The following DLG2 variants were observed in gnomAD, a reference collection of about 807,000 sequenced individuals.
DLG2 encodes disks large homolog 2.
Under a neutral mutation model 132.5 loss-of-function variants are expected in DLG2, and 45 were observed. The observed-to-expected ratio is 0.34, with a 90% CI of 0.27 to 0.44. The LOEUF (loss-of-function observed/expected upper bound fraction) is 0.44. Among genes scored for constraint, DLG2 ranks in the 20% least tolerant of loss-of-function variants. The pLI, the probability that DLG2 is intolerant of heterozygous loss-of-function variation, is 1.00. For synonymous variants in DLG2, 424 were observed against 419.6 expected (o/e 1.01, Z -0.13); for missense variants, 1,045 against 1,196.9 (o/e 0.87, Z 1.87).
intron 6 of DLG2, among the ~76,000 whole-genome samples, chr11:85,058,403 T>C (rs965179584): frequency 4.0e-5 from 6 of 151,534 alleles, no homozygotes; most frequent in Non-Finnish European, 5.9e-5. Flanking sequence ...AATAAATATA[T>C]GTACACATAT....
chr11:84,570,744 CTCCCT>C (rs1227377348), intron 6 of DLG2, among the ~76,000 whole-genome samples: 2 of 152,206 alleles, frequency 1.3e-5, no homozygotes, highest in Admixed American at 6.5e-5. Flanking sequence ...ATCTTCCTTT[CTCCCT>C]TCCCTTCATC....
chr11:83,554,244 T>C (rs538742701), intron 19 of DLG2, among the ~76,000 whole-genome samples: 21 of 152,310 alleles, frequency 1.4e-4, no homozygotes, highest in African/African-American at 5.1e-4. Context: ...ATGCACCTAG[T>C]GTAAGTCATC....
At chr11:84,172,608 T>C (rs1039719363) in intron 8 of DLG2, among the ~76,000 whole-genome samples, 2 of 151,998 alleles carry the variant, frequency 1.3e-5, no homozygotes, top group African/African-American at 4.8e-5. Context: ...AGTGGTGCAA[T>C]CTCGGCTCAC....
At chr11:84,209,780 T>A (rs942542326) in intron 8 of DLG2, among the ~76,000 whole-genome samples, 4 of 152,134 alleles carry the variant, frequency 2.6e-5, no homozygotes, top group Admixed American at 1.3e-4. Context: ...CTCACTGGAA[T>A]AGCTAAAATT....
At chr11:85,263,213 TG>T (rs747065704) in intron 4 of DLG2, among the ~76,000 whole-genome samples, 1 of 152,242 alleles carries the variant, frequency 6.6e-6, no homozygotes, top group South Asian at 2.1e-4. Context: ...GTATGAATTA[TG>T]CAGGGTGCTC....
intron 3 of DLG2, among the ~76,000 whole-genome samples, chr11:85,589,182 T>A (rs188822601): frequency 1.3e-5 from 2 of 152,280 alleles, no homozygotes; most frequent in Admixed American, 1.3e-4. Context: ...CGTGGACAGA[T>A]TTAGGACCAC....
At chr11:83,479,452 T>A (rs993031195) in intron 22 of DLG2, among the ~76,000 whole-genome samples, 1 of 152,172 alleles carries the variant, frequency 6.6e-6, no homozygotes, top group South Asian at 2.1e-4. Flanking sequence ...CACCAATTTC[T>A]GCCTTAGCAT....
chr11:85,115,403 A>G (rs1330846834), intron 5 of DLG2, among the ~76,000 whole-genome samples: 1 of 151,978 alleles, frequency 6.6e-6, no homozygotes, highest in African/African-American at 2.4e-5. Context: ...CATTAGGAAT[A>G]AGGATATATC....
chr11:84,670,477 G>A (rs1288962198), intron 6 of DLG2, among the ~76,000 whole-genome samples: 1 of 152,106 alleles, frequency 6.6e-6, no homozygotes, highest in African/African-American at 2.4e-5. Context: ...CGCTTATGAT[G>A]GGATGCTAGT....
chr11:84,952,001 T>G (rs569337017), intron 6 of DLG2, among the ~76,000 whole-genome samples: 30 of 152,150 alleles, frequency 2.0e-4, no homozygotes, highest in Non-Finnish European at 4.1e-4. Flanking sequence ...AATTATAAAT[T>G]TTCTCCAGAG....
intron 3 of DLG2, among the ~76,000 whole-genome samples, chr11:85,343,106 A>C (rs868412801): frequency 2.6e-5 from 4 of 152,174 alleles, no homozygotes; most frequent in Admixed American, 1.3e-4. Flanking sequence ...TCTATATTCA[A>C]ATTGCCCTAA....
intron 19 of DLG2, among the ~76,000 whole-genome samples, chr11:83,609,340 A>G (rs753315185): frequency 1.3e-5 from 2 of 152,182 alleles, no homozygotes; most frequent in African/African-American, 2.4e-5. Context: ...AGGGCTTCAT[A>G]TGCTGTCATA....
chr11:84,361,165 T>C (rs192005193), intron 7 of DLG2, among the ~76,000 whole-genome samples: 198 of 151,720 alleles, frequency 1.3e-3, no homozygotes, highest in African/African-American at 4.6e-3. Context: ...GGAGGGAAAA[T>C]AAAAACACTA....
At chr11:84,640,227 T>C in intron 6 of DLG2, 1 of 304,880 alleles carries the variant, frequency 3.3e-6, no homozygotes, top group East Asian at 9.6e-5. Context: ...CAGAACATGA[T>C]CAAGGGTGTT....
chr11:85,387,813 T>G (rs954160991), intron 3 of DLG2, among the ~76,000 whole-genome samples: 1 of 151,938 alleles, frequency 6.6e-6, no homozygotes, highest in African/African-American at 2.4e-5. Context: ...GGGGAAAAAA[T>G]GGCAGACAGG....
chr11:83,753,837 T>TC (rs2093486981), intron 18 of DLG2, among the ~76,000 whole-genome samples: 1 of 11,082 alleles, frequency 9.0e-5, no homozygotes, highest in African/African-American at 3.8e-4. Flanking sequence ...ATATATATGA[T>TC]ATATATCATA....
chr11:83,762,771 C>A lies in DLG2; in HGVS notation c.1825+23919G>T, dbSNP rs567446839. ...AATTTTTTTGTATTTTTAGTAGAGA[C>A]GGGGTTTCACCATGTTAACCAGGAT... On this transcript the variant is annotated intron_variant, in intron 18 of 27. Coordinates refer to ENST00000376104, the MANE Select transcript of DLG2 (RefSeq NM_001142699.3). Among the ~76,000 whole-genome samples the A allele has an allele frequency of 2.0e-5, 3 of 152,044 alleles. No homozygotes were observed. In the East Asian group the frequency reaches 5.8e-4, roughly 29 times the overall value.
At chr11:83,698,799 C>T (rs1002093761) in intron 18 of DLG2, among the ~76,000 whole-genome samples, 8 of 151,832 alleles carry the variant, frequency 5.3e-5, no homozygotes, top group Non-Finnish European at 2.9e-5. Context: ...TTATCTCTTC[C>T]ACATCCTATG....
chr11:83,790,679 G>A, intron 17 of DLG2: 1 of 888,958 alleles, frequency 1.1e-6, no homozygotes, highest in Non-Finnish European at 1.9e-6. Context: ...GACCCACTCT[G>A]GGGCTCTGCA....
Sources: allele counts gnomAD v4.1 joint callset (sites outside exome capture counted in the v4.1 genomes callset), GRCh38; gene constraint gnomAD v4.1.1; transcripts MANE v1.5; gene names NCBI Gene and HGNC (gene_info 2026-07-23, HGNC 2026-07-21).